AGR2: variants seen among roughly 807,000 people sequenced by gnomAD.
AGR2 encodes anterior gradient protein 2 homolog.
In AGR2, 27 loss-of-function variants were observed where a neutral mutation model predicts 25.9. The ratio of observed to expected loss-of-function variants is 1.04; its 90% CI spans 0.77 to 1.44. AGR2 has a LOEUF of 1.44. AGR2 is among the 40% of genes most tolerant of loss of function. AGR2 has a pLI of 0.00. For missense variants in AGR2, 182 were observed against 200.9 expected, an observed-to-expected ratio of 0.91 and a Z score of 0.57; for synonymous variants, 78 against 72.0, an observed-to-expected ratio of 1.08 and a Z score of -0.42.
chr7:16,796,927 CTTT>C (rs35502186), intron 6 of AGR2, among the ~76,000 whole-genome samples: 1 of 147,262 alleles, frequency 6.8e-6, no homozygotes. Flanking sequence ...CCTCATATTC[CTTT>C]TTTTTTTTTG....
chr7:16,801,225 C>A (rs780735485), intron 3 of AGR2, 22 bp from the exon 4 acceptor site: 2 of 1,613,084 alleles, frequency 1.2e-6, no homozygotes. Context: ...AGAGATTAGA[C>A]AAATTTTAAT....
intron 6 of AGR2, among the ~76,000 whole-genome samples, chr7:16,796,024 C>T (rs1785039489): frequency 6.6e-6 from 1 of 152,176 alleles, no homozygotes; most frequent in Non-Finnish European, 1.5e-5. Flanking sequence ...TTTAAATACC[C>T]AACTAGCAGC....
At position 16,792,220 on chromosome 7, in the gene AGR2, A is replaced by C. The variant is rs1192032393; in HGVS notation, c.*688T>G. On this transcript the variant is annotated 3_prime_UTR_variant, in exon 8 of 8. Transcript: ENST00000419304. ...CCCAGGATTTCTTCAGGGTGTGTTC[A>C]GGAGTGCAGATGTTCTTTGGATGAC... 6.6e-6 allele frequency: 1 copy of C among 152,334 alleles called. No homozygotes were observed. Among genetic ancestry groups the C allele is most frequent in the Non-Finnish European group, 1.5e-5 (1 of 68,126 alleles). 9.4% of individuals were successfully genotyped at this position (152,334 alleles called of 1,614,324 possible).
At chr7:16,795,557 C>T (rs1399141630) in intron 6 of AGR2, among the ~76,000 whole-genome samples, 1 of 152,124 alleles carries the variant, frequency 6.6e-6, no homozygotes, top group Non-Finnish European at 1.5e-5. Context: ...TAATTAACTG[C>T]ATTTTTAAAA....
intron 6 of AGR2, among the ~76,000 whole-genome samples, chr7:16,796,754 A>G (rs1224735120): frequency 6.6e-6 from 1 of 152,230 alleles, no homozygotes; most frequent in East Asian, 1.9e-4. Context: ...TGAGGAAAGT[A>G]TGACTACAAG....
rs1304403635 is a variant in AGR2 at position 16,801,195 on chromosome 7, G to A, written c.212C>T (p.Pro71Leu). 2 of 1,613,678 alleles carry A rather than the reference G, an allele frequency of 1.2e-6. No individual in the cohort carries two copies. The highest frequency in any genetic ancestry group is 1.7e-6 in the Non-Finnish European group (2 of 1,179,820). The change falls in exon 4 of 8, where the codon CCC (proline) becomes CTC (leucine). Residue 71 changes from proline to leucine, a missense_variant. Transcript: ENST00000419304. ...ATCCAAGTGATGAATAATCATCAAG[G>A]GTTTGTTGCTTTAAAAGACAGAGAT... ...ALYKSKTSNK[P>L]LMIIHHLDEC...
At chr7:16,796,472 A>G (rs1785047310) in intron 6 of AGR2, among the ~76,000 whole-genome samples, 1 of 152,120 alleles carries the variant, frequency 6.6e-6, no homozygotes, top group Non-Finnish European at 1.5e-5. Flanking sequence ...TAAACTTTTA[A>G]TGAATTACAC....
chr7:16,794,208 T>G lies in AGR2; in HGVS notation c.478+728A>C, dbSNP rs552634877. Reference sequence around the variant, plus strand: ...GTCCGGGCATTGAGCACTTGGAATATGGCTAGTGTGACTGAAGGAATGAAT... The same window carrying G: ...GTCCGGGCATTGAGCACTTGGAATAGGGCTAGTGTGACTGAAGGAATGAAT... On this transcript the variant is annotated intron_variant, in intron 7 of 7. Coordinates refer to ENST00000419304, the MANE Select transcript of AGR2 (RefSeq NM_006408.4). Among the ~76,000 whole-genome samples, 7 of 148,976 alleles carry G rather than the reference T, an allele frequency of 4.7e-5. No homozygotes were observed. The South Asian group carries it at 1.5e-3, about 33-fold the overall frequency.
intron 6 of AGR2, among the ~76,000 whole-genome samples, chr7:16,796,494 A>G (rs931537609): frequency 2.6e-5 from 4 of 152,286 alleles, no homozygotes; most frequent in African/African-American, 9.6e-5. Flanking sequence ...GGTGAATCAT[A>G]TGATTAGCAT....
intron 1 of AGR2, among the ~76,000 whole-genome samples, chr7:16,804,295 C>T (rs909696606): frequency 6.6e-6 from 1 of 151,046 alleles, no homozygotes; most frequent in Non-Finnish European, 1.5e-5. Context: ...CACACACACA[C>T]ACATTATGTG....
intron 1 of AGR2, 115 bp from the exon 2 acceptor site, chr7:16,801,918 G>C: frequency 3.8e-6 from 3 of 797,736 alleles, no homozygotes. Flanking sequence ...TGCTGAGACT[G>C]GACATACGAG....
chr7:16,803,815 G>T (rs1315940871), intron 1 of AGR2, among the ~76,000 whole-genome samples: 1 of 152,148 alleles, frequency 6.6e-6, no homozygotes, highest in East Asian at 1.9e-4. Context: ...TTTTACATGA[G>T]AATAATTATA....
At chr7:16,802,569 G>A (rs538160184) in intron 1 of AGR2, among the ~76,000 whole-genome samples, 183 of 152,212 alleles carry the variant, frequency 1.2e-3, no homozygotes, top group African/African-American at 4.0e-3. Context: ...ATGGTTATAT[G>A]GATACTTGAA....
chr7:16,797,414 T>A (rs146212900), intron 6 of AGR2, among the ~76,000 whole-genome samples: 1 of 152,282 alleles, frequency 6.6e-6, no homozygotes, highest in African/African-American at 2.4e-5. Flanking sequence ...AAGTTACAAT[T>A]AGCATGTGAG....
At position 16,797,577 on chromosome 7, in the gene AGR2, G is replaced by A. The variant is rs113566179; in HGVS notation, c.394+54C>T. ...AGGGACAGTGGGGAGGAGAGAAGGAGGATGGCAGCACTAGTATGTGTTTCC... is the reference window on the plus strand; with the variant it reads ...AGGGACAGTGGGGAGGAGAGAAGGAAGATGGCAGCACTAGTATGTGTTTCC... On this transcript the variant is annotated intron_variant, in intron 6 of 7. Coordinates refer to ENST00000419304, the MANE Select transcript of AGR2 (RefSeq NM_006408.4). 1,682 of 1,520,696 alleles carry A rather than the reference G, an allele frequency of 1.1e-3. 9 individuals are homozygous for A. The African/African-American group carries it at 0.018, about 17-fold the overall frequency. 94.2% of individuals were successfully genotyped at this position (1,520,696 alleles called of 1,614,324 possible). A position where few individuals can be genotyped will look rare whatever the true frequency, so the allele number is the denominator to read the frequency against.
At chr7:16,795,891 A>G (rs936476174) in intron 6 of AGR2, among the ~76,000 whole-genome samples, 2 of 152,262 alleles carry the variant, frequency 1.3e-5, no homozygotes, top group African/African-American at 4.8e-5. Context: ...GGCCAGACAC[A>G]TAAATTACAA....
chr7:16,795,829 T>A (rs1785036383), intron 6 of AGR2, among the ~76,000 whole-genome samples: 1 of 152,180 alleles, frequency 6.6e-6, no homozygotes, highest in Non-Finnish European at 1.5e-5. Flanking sequence ...GTTTGCAAAG[T>A]CTGTCGCTGG....
At chr7:16,799,681 G>T in intron 5 of AGR2, 63 bp downstream of exon 5, 2 of 1,223,468 alleles carry the variant, frequency 1.6e-6, no homozygotes, top group South Asian at 1.3e-5. Context: ...TAGGAAAAAT[G>T]AATCATCCAT....
At chr7:16,804,609 A>T (rs1785202985) in intron 1 of AGR2, among the ~76,000 whole-genome samples, 1 of 152,220 alleles carries the variant, frequency 6.6e-6, no homozygotes, top group African/African-American at 2.4e-5. Context: ...AGAAAGCTTT[A>T]GATGGTGACT....
Sources: allele counts gnomAD v4.1 joint callset (sites outside exome capture counted in the v4.1 genomes callset), GRCh38; gene constraint gnomAD v4.1.1; transcripts MANE v1.5; gene names NCBI Gene and HGNC (gene_info 2026-07-23, HGNC 2026-07-21).